IGDCC4: variants seen among roughly 807,000 people sequenced by gnomAD.
IGDCC4 encodes immunoglobulin superfamily DCC subclass member 4.
IGDCC4 carries 72 observed loss-of-function variants against 116.6 expected under a neutral mutation model. That is an observed-to-expected ratio of 0.62 (90% CI 0.51 to 0.75). The LOEUF is 0.75. Ranked by LOEUF, IGDCC4 falls within the 30% of genes least tolerant of loss-of-function variation. The probability of loss-of-function intolerance (pLI) is 0.00; values close to 1 mark genes in which losing one functional copy is unlikely to be tolerated. For synonymous variants in IGDCC4, 709 were observed against 719.9 expected, an observed-to-expected ratio of 0.98 and a Z score of 0.24; for missense variants, 1,501 against 1,662.4, an observed-to-expected ratio of 0.90 and a Z score of 1.69.
chr15:65,384,382 T>A lies in IGDCC4; in HGVS notation c.3380A>T (p.Asn1127Ile). ...GRKKSPPACR[N>I]QVEAEVIVHS... The stretch of plus-strand genomic sequence containing the variant: ...GACAATGACTTCAGCCTCCACCTGG[T>A]TCCTGCAGGCTGGGGGTGACTTCTT... The change falls in exon 20 of 20, where the codon AAC (asparagine) becomes ATC (isoleucine). Residue 1127 changes from asparagine to isoleucine, a missense_variant. This residue lies in a region of IGDCC4 where 368 missense variants were observed against 355.6 expected (regional missense o/e 1.03). Coordinates refer to ENST00000352385, the MANE Select transcript of IGDCC4 (RefSeq NM_020962.3). This position sits in a 1 kb window ranked among gnomAD's most constrained non-coding sequence, Gnocchi z 4.9. 6.5e-7 allele frequency: 1 copy of A among 1,536,956 alleles called. No homozygotes were observed. Among genetic ancestry groups the A allele is most frequent in the Non-Finnish European group, 8.7e-7 (1 of 1,143,900 alleles).
intron 14 of IGDCC4, 28 bp from the exon 15 acceptor site, chr15:65,389,006 A>C (rs1412200849): frequency 1.3e-6 from 2 of 1,487,278 alleles, no homozygotes; most frequent in Non-Finnish European, 1.8e-6. Context: ...AGATGGGGAG[A>C]GATGTCAGAG....
chr15:65,383,253 G>GAAGGAAAACAGGAGAGAGGA lies in IGDCC4; in HGVS notation c.*736_*755dup, dbSNP rs756623204. 3.9e-5 allele frequency: 6 copies of GAAGGAAAACAGGAGAGAGGA among 153,332 alleles called. No homozygotes were observed. The highest frequency in any genetic ancestry group is 7.3e-5 in the Non-Finnish European group (5 of 68,462). 9.5% of individuals were successfully genotyped at this position (153,332 alleles called of 1,614,324 possible). ...GGGAGAGGTGTGAGAGATAGCAGAGGAAGGAAAACAGGAGAGAGGAAAGGA... is the reference window on the plus strand; with the variant it reads ...GGGAGAGGTGTGAGAGATAGCAGAGGAAGGAAAACAGGAGAGAGGAAAGGAAAACAGGAGAGAGGAAAGGA... On this transcript the variant is annotated 3_prime_UTR_variant, in exon 20 of 20. Coordinates refer to ENST00000352385, the MANE Select transcript of IGDCC4 (RefSeq NM_020962.3).
chr15:65,385,743 G>C lies in IGDCC4; in HGVS notation c.3180+88C>G, dbSNP rs137891337. ...CGCAGCCGGCTCCGAAGAGGAGGTA[G>C]AGCCATGCTCGCATAGCCACGCGTT... On this transcript the variant is annotated intron_variant, in intron 18 of 19. Transcript: ENST00000352385. 1.0e-4 allele frequency: 109 copies of C among 1,082,800 alleles called. No homozygotes were observed. In the African/African-American group the frequency reaches 1.4e-3, roughly 13 times the overall value. 67.1% of individuals were successfully genotyped at this position (1,082,800 alleles called of 1,614,324 possible). A position where few individuals can be genotyped will look rare whatever the true frequency, so the allele number is the denominator to read the frequency against.
intron 16 of IGDCC4, 98 bp from the exon 17 acceptor site, chr15:65,386,754 G>A: frequency 1.2e-6 from 1 of 859,062 alleles, no homozygotes; most frequent in Non-Finnish European, 1.8e-6. Flanking sequence ...GACACCAGCT[G>A]GACCCTCACC....
chr15:65,388,403 G>T (rs567417450), intron 16 of IGDCC4, 46 bp downstream of exon 16: 1 of 1,612,064 alleles, frequency 6.2e-7, no homozygotes, highest in South Asian at 1.1e-5. Flanking sequence ...ACAGGCAGGG[G>T]CTTGGAAGTC....
In IGDCC4 at chr15:65,391,948, G is replaced by A. The variant is rs752557803; in HGVS notation, c.2156C>T (p.Ala719Val). The A allele has an allele frequency of 3.7e-6, 6 of 1,613,196 alleles. No individual in the cohort carries two copies. The Admixed American group carries it at 5.0e-5, about 13-fold the overall frequency. Reference protein sequence around the residue: ...PGRLYEVKLVAFNKHEDGYAA... With the variant: ...PGRLYEVKLVVFNKHEDGYAA... Reference sequence around the variant, plus strand: ...ATAGCCATCCTCATGTTTGTTGAAAGCCACGAGCTTCACCTCGTACAGCCG... The same window carrying A: ...ATAGCCATCCTCATGTTTGTTGAAAACCACGAGCTTCACCTCGTACAGCCG... The change falls in exon 12 of 20, where the codon GCT (alanine) becomes GTT (valine). Residue 719 changes from alanine to valine, a missense_variant. By Grantham distance (64) the Ala-to-Val change is moderately conservative. This residue lies in a region of IGDCC4 where 898 missense variants were observed against 978.9 expected (regional missense o/e 0.92). Coordinates refer to ENST00000352385, the MANE Select transcript of IGDCC4 (RefSeq NM_020962.3).
chr15:65,407,329 A>T (rs971596993), intron 3 of IGDCC4, among the ~76,000 whole-genome samples: 2 of 151,816 alleles, frequency 1.3e-5, no homozygotes, highest in African/African-American at 4.8e-5. Context: ...CCTAGTATGT[A>T]CAATATAATT....
Position 65,384,807 on chromosome 15 carries a change from A to T in IGDCC4, c.3342+147T>A. 9.2e-7 allele frequency: 1 copy of T among 1,089,744 alleles called. No individual in the cohort carries two copies. The highest frequency in any genetic ancestry group is 1.3e-6 in the Non-Finnish European group (1 of 780,460). 67.5% of individuals were successfully genotyped at this position (1,089,744 alleles called of 1,614,324 possible). ...AACTGGCCTGCCCTCCACCTACTCA[A>T]CCTTTGGAGGCTCCAGGGGTCTCCT... is the stretch of plus-strand genomic sequence containing the variant. On this transcript the variant is annotated intron_variant, in intron 19 of 19. Transcript: ENST00000352385. This position sits in a 1 kb window ranked among gnomAD's most constrained non-coding sequence, Gnocchi z 4.9.
In IGDCC4 at chr15:65,392,380, A is replaced by G; in HGVS notation, c.1886-10T>C. 1 of 1,500,770 alleles carries G rather than the reference A, an allele frequency of 6.7e-7. No homozygotes were observed. Among genetic ancestry groups the G allele is most frequent in the Non-Finnish European group, 8.9e-7 (1 of 1,121,650 alleles). The allele number at this position is 1,500,770 out of a possible 1,614,324, so 93.0% of individuals were successfully genotyped here. On this transcript the variant is annotated splice_polypyrimidine_tract_variant and intron_variant, in intron 10 of 19. Transcript: ENST00000352385. The stretch of plus-strand genomic sequence containing the variant: ...GCAGGGGCAAAAGGGACTGGGGGGC[A>G]GAGGAGCAGGATGGGAAAATTAAGG...
At chr15:65,406,824 C>T (rs1232568022) in intron 3 of IGDCC4, among the ~76,000 whole-genome samples, 1 of 152,074 alleles carries the variant, frequency 6.6e-6, no homozygotes, top group African/African-American at 2.4e-5. Context: ...GCTCTGGCCT[C>T]CTGGGTTAGG....
chr15:65,399,585 T>G (rs79226773), intron 5 of IGDCC4, among the ~76,000 whole-genome samples: 1,535 of 152,178 alleles, frequency 0.01, 31 homozygotes, highest in African/African-American at 0.035. Flanking sequence ...TTAGAACTTC[T>G]AGGTGATACC....
chr15:65,388,875 C>T lies in IGDCC4; in HGVS notation c.2640G>A (p.Glu880=), dbSNP rs370930370. The change falls in exon 15 of 20, where the codon GAG becomes GAA. Residue 880 remains glutamate, a synonymous_variant. Coordinates refer to ENST00000352385, the MANE Select transcript of IGDCC4 (RefSeq NM_020962.3). ...GGTTGCTGCTGTACAGGATCAGATACTCCACGATCTCCCCGTTGGGCTCTG... is the reference window on the plus strand; with the variant it reads ...GGTTGCTGCTGTACAGGATCAGATATTCCACGATCTCCCCGTTGGGCTCTG... The part of the protein sequence containing the change: ...PPTEPNGEIV[E]YLILYSSNHT... The T allele has an allele frequency of 6.2e-7, 1 of 1,614,048 alleles. No homozygotes were observed. Among genetic ancestry groups the T allele is most frequent in the Admixed American group, 1.7e-5 (1 of 60,032 alleles).
intron 1 of IGDCC4, among the ~76,000 whole-genome samples, chr15:65,421,585 C>T (rs2063190827): frequency 6.6e-6 from 1 of 152,182 alleles, no homozygotes; most frequent in African/African-American, 2.4e-5. Context: ...TGGGGCTGGC[C>T]AGGCGGAGGC....
Position 65,394,457 on chromosome 15 carries a change from A to G in IGDCC4, c.1668T>C (p.Asn556=). ...AWLPLPPSLS[N]GQVVKYKIEY... is the part of the protein sequence containing the mutation. ...CTATCTTGTACTTCACCACCTGCCC[A>G]TTGCTCAGGCTGGGGGGCAGGGGCA... The change falls in exon 9 of 20, where the codon AAT becomes AAC. Residue 556 remains asparagine, a synonymous_variant. Coordinates refer to ENST00000352385, the MANE Select transcript of IGDCC4 (RefSeq NM_020962.3). 6.2e-7 allele frequency: 1 copy of G among 1,613,826 alleles called. No homozygotes were observed. The highest frequency in any genetic ancestry group is 8.5e-7 in the Non-Finnish European group (1 of 1,179,936).
chr15:65,419,927 G>C (rs1386070091), intron 1 of IGDCC4, among the ~76,000 whole-genome samples: 2 of 152,120 alleles, frequency 1.3e-5, no homozygotes, highest in Non-Finnish European at 2.9e-5. Flanking sequence ...CCTTCATTCT[G>C]CCTCATGTTT....
At position 65,411,038 on chromosome 15, in the gene IGDCC4, C is replaced by T. The variant is rs2063086583; in HGVS notation, c.403G>A (p.Ala135Thr). The change falls in exon 2 of 20, where the codon GCT becomes ACT. Residue 135 changes from alanine to threonine, a missense_variant. Ala to Thr is a moderately conservative substitution (Grantham distance 58, BLOSUM62 0). Transcript: ENST00000352385. ...GPLGVLASQT[A>T]VVKLATLADF... ...CACTTACTGGCAAGCTTGACGACAG[C>T]AGTCTGGCTGGCCAGCACTCCGAGG... is the stretch of plus-strand genomic sequence containing the variant. The T allele has an allele frequency of 6.2e-6, 10 of 1,609,980 alleles. No homozygotes were observed. Among genetic ancestry groups the T allele is most frequent in the Non-Finnish European group, 6.8e-6 (8 of 1,177,104 alleles).
chr15:65,396,823 G>A lies in IGDCC4; in HGVS notation c.997+11C>T. 2 of 1,558,298 alleles carry A rather than the reference G, an allele frequency of 1.3e-6. No homozygotes were observed. Among genetic ancestry groups the A allele is most frequent in the Non-Finnish European group, 1.7e-6 (2 of 1,151,074 alleles). On this transcript the variant is annotated intron_variant, in intron 6 of 19. Transcript: ENST00000352385. ...GCTAACCCGCTCCCTCCGCCCTTCG[G>A]CCCGCCTCACCCAGCACACGGAGCT...
chr15:65,409,850 T>C (rs2140230931), intron 3 of IGDCC4, among the ~76,000 whole-genome samples: 1 of 152,292 alleles, frequency 6.6e-6, no homozygotes, highest in African/African-American at 2.4e-5. Context: ...CAATGGCTCA[T>C]GGTACGGCTT....
chr15:65,395,082 C>T lies in IGDCC4; in HGVS notation c.1576+12G>A, dbSNP rs534660378. 37 of 1,592,714 alleles carry T rather than the reference C, an allele frequency of 2.3e-5. No homozygotes were observed. The highest frequency in any genetic ancestry group is 2.9e-5 in the Non-Finnish European group (34 of 1,163,680). On this transcript the variant is annotated intron_variant, in intron 8 of 19. Transcript: ENST00000352385. ...TACCCCAAGCTGCCCACTGCGAGTT[C>T]AGAGGCCCTACCATCATCCAGTGTG...
Sources: allele counts gnomAD v4.1 joint callset (sites outside exome capture counted in the v4.1 genomes callset), GRCh38; gene constraint gnomAD v4.1.1; regional missense constraint gnomAD v4.1.1; non-coding constraint Gnocchi (gnomAD v3.1); transcripts MANE v1.5; gene names NCBI Gene and HGNC (gene_info 2026-07-23, HGNC 2026-07-21).